ETV6: variants seen among roughly 807,000 people sequenced by gnomAD.
ETV6 encodes transcription factor ETV6.
ETV6 carries 16 observed loss-of-function variants against 51.1 expected under a neutral mutation model. The observed-to-expected ratio is 0.31, with a 90% CI of 0.21 to 0.48. The LOEUF (loss-of-function observed/expected upper bound fraction) is 0.48, where lower values mean the gene tolerates loss of function less well. Among genes scored for constraint, ETV6 ranks in the 20% least tolerant of loss-of-function variants. ETV6 has a pLI of 0.99. For missense variants in ETV6, 458 were observed against 594.8 expected (o/e 0.77, Z 2.39); for synonymous variants, 240 against 224.1 (o/e 1.07, Z -0.64).
chr12:11,792,388 C>T (rs1207824500), intron 2 of ETV6, among the ~76,000 whole-genome samples: 1 of 152,120 alleles, frequency 6.6e-6, no homozygotes, highest in African/African-American at 2.4e-5. Flanking sequence ...AGACGGATTA[C>T]ATTTAAAAAT....
chr12:11,713,727 T>C (rs1360313099), intron 1 of ETV6, among the ~76,000 whole-genome samples: 1 of 152,222 alleles, frequency 6.6e-6, no homozygotes, highest in East Asian at 1.9e-4. Flanking sequence ...TTATCTGGAA[T>C]ATATATTTAT....
chr12:11,819,449 G>A (rs973781205), intron 2 of ETV6, among the ~76,000 whole-genome samples: 8 of 152,192 alleles, frequency 5.3e-5, no homozygotes, highest in South Asian at 4.1e-4. Context: ...TCATCAGTGC[G>A]ATGGGGACTT....
At chr12:11,657,076 C>T (rs2120622174) in intron 1 of ETV6, among the ~76,000 whole-genome samples, 2 of 152,228 alleles carry the variant, frequency 1.3e-5, no homozygotes, top group Middle Eastern at 3.4e-3. Flanking sequence ...TTATACATTT[C>T]TGATTTTGAA....
At chr12:11,672,970 G>GA (rs1167663730) in intron 1 of ETV6, among the ~76,000 whole-genome samples, 1 of 152,230 alleles carries the variant, frequency 6.6e-6, no homozygotes, top group Non-Finnish European at 1.5e-5. Flanking sequence ...GCCTGTTGGA[G>GA]AAAACCTCTG....
intron 1 of ETV6, among the ~76,000 whole-genome samples, chr12:11,701,179 A>G (rs1864973615): frequency 6.6e-6 from 1 of 152,068 alleles, no homozygotes; most frequent in Non-Finnish European, 1.5e-5. Context: ...TAAGTATACA[A>G]TTCAGTAGCA....
At chr12:11,713,525 C>CAAA (rs1865213598) in intron 1 of ETV6, among the ~76,000 whole-genome samples, 1 of 152,152 alleles carries the variant, frequency 6.6e-6, no homozygotes, top group African/African-American at 2.4e-5. Context: ...AGGGCCTTTG[C>CAAA]GTGTGCTGTT....
chr12:11,773,022 G>A (rs1460720041), intron 2 of ETV6, among the ~76,000 whole-genome samples: 2 of 151,736 alleles, frequency 1.3e-5, no homozygotes, highest in South Asian at 2.1e-4. Context: ...GTGAAAGCCC[G>A]TCTCTACTAA....
At chr12:11,870,098 A>G in intron 5 of ETV6, 129 bp downstream of exon 5, 2 of 1,042,776 alleles carry the variant, frequency 1.9e-6, no homozygotes, top group South Asian at 1.6e-5. Flanking sequence ...TCTGAGGGCA[A>G]TTGGAGGCTT....
At chr12:11,739,789 C>T (rs986321252) in intron 1 of ETV6, among the ~76,000 whole-genome samples, 1 of 152,140 alleles carries the variant, frequency 6.6e-6, no homozygotes, top group African/African-American at 2.4e-5. Flanking sequence ...CATGTAGCTA[C>T]CAGAAAATGT....
rs1486877751 is a variant in ETV6, at chr12:11,869,746, C to T, written c.786C>T (p.Ser262=). ...AGCCATCCAGCCCCCGGCAGGAGAG[C>T]ACACGCGTGATCCAGCTGATGCCCA... ...HPKPSSPRQE[S]TRVIQLMPSP... The change falls in exon 5 of 8, where the codon AGC becomes AGT. Residue 262 remains serine, a synonymous_variant. Coordinates refer to ENST00000396373, the MANE Select transcript of ETV6 (RefSeq NM_001987.5). The surrounding 1 kb of genome is among the most constrained non-coding windows in gnomAD (Gnocchi z 5.0). 3.1e-6 allele frequency: 5 copies of T among 1,613,764 alleles called. No homozygotes were observed. Among genetic ancestry groups the T allele is most frequent in the Non-Finnish European group, 4.2e-6 (5 of 1,180,032 alleles).
chr12:11,800,828 G>C (rs1945737684), intron 2 of ETV6, among the ~76,000 whole-genome samples: 1 of 152,080 alleles, frequency 6.6e-6, no homozygotes, highest in Admixed American at 6.5e-5. Context: ...CAGCTAATAG[G>C]GAGGCTTAGT....
chr12:11,777,351 T>C (rs562874676), intron 2 of ETV6, among the ~76,000 whole-genome samples: 37 of 151,956 alleles, frequency 2.4e-4, no homozygotes, highest in Non-Finnish European at 4.1e-4. Flanking sequence ...TTTTAATCCA[T>C]AAAAATAAAC....
intron 2 of ETV6, among the ~76,000 whole-genome samples, chr12:11,755,559 T>G (rs1274193664): frequency 6.6e-6 from 1 of 152,184 alleles, no homozygotes; most frequent in Non-Finnish European, 1.5e-5. Flanking sequence ...GTTCTGCTGC[T>G]TGTCATCCTG....
At chr12:11,840,465 C>T (rs1946373359) in intron 3 of ETV6, 2 of 455,946 alleles carry the variant, frequency 4.4e-6, no homozygotes, top group Admixed American at 2.3e-5. Flanking sequence ...CTGCAGACCT[C>T]GACTCTGATG....
intron 1 of ETV6, among the ~76,000 whole-genome samples, chr12:11,650,488 A>AAAAC (rs1555109496): frequency 3.1e-5 from 2 of 64,642 alleles, no homozygotes; most frequent in Admixed American, 3.7e-4. Context: ...GCTTAAAAAA[A>AAAAC]AAAAAAACAA....
intron 2 of ETV6, among the ~76,000 whole-genome samples, chr12:11,761,402 G>A (rs1945084468): frequency 6.6e-6 from 1 of 152,162 alleles, no homozygotes; most frequent in African/African-American, 2.4e-5. Context: ...TGGAGTGTTA[G>A]AAACAAAACT....
chr12:11,784,302 G>T (rs1945450393), intron 2 of ETV6, among the ~76,000 whole-genome samples: 1 of 151,984 alleles, frequency 6.6e-6, no homozygotes, highest in Non-Finnish European at 1.5e-5. Context: ...GGTGGCACCC[G>T]CCTGTAATCC....
chr12:11,888,398 C>CTTTTCTT (rs753710183), intron 7 of ETV6, among the ~76,000 whole-genome samples: 2,235 of 80,580 alleles, frequency 0.028, 69 homozygotes, highest in African/African-American at 0.089. Context: ...CTTTTCTTTT[C>CTTTTCTT]TTTTTTTTTT....
intron 2 of ETV6, 23 bp from the exon 3 acceptor site, chr12:11,839,117 C>A: frequency 6.2e-7 from 1 of 1,601,884 alleles, no homozygotes; most frequent in Non-Finnish European, 8.5e-7. Context: ...CTCTTTCTTT[C>A]TGCCTCATGC....
Sources: gnomAD v4.1 joint callset for allele counts (sites outside exome capture counted in the v4.1 genomes callset) on GRCh38, gnomAD v4.1.1 for gene constraint, Gnocchi (gnomAD v3.1) non-coding constraint, MANE v1.5 for transcripts, NCBI Gene and HGNC (gene_info 2026-07-23, HGNC 2026-07-21) for gene names.